The following GRIA4 variants were observed in gnomAD, a reference collection of about 807,000 sequenced individuals.
The protein encoded by GRIA4 is glutamate ionotropic receptor AMPA type subunit 4, also known as glutamate receptor 4.
GRIA4 carries 34 observed loss-of-function variants against 104.0 expected under a neutral mutation model. That is an observed-to-expected ratio of 0.33 (90% CI 0.25 to 0.44). GRIA4 has a LOEUF of 0.44. GRIA4 is among the 20% of genes least tolerant of loss of function. The probability of loss-of-function intolerance (pLI) is 1.00; values close to 1 mark genes in which losing one functional copy is unlikely to be tolerated. For missense variants in GRIA4, 750 were observed against 1,096.5 expected (o/e 0.68, Z 4.46); for synonymous variants, 386 against 381.9 (o/e 1.01, Z -0.13).
chr11:105,717,405 C>T (rs1320807000), intron 3 of GRIA4, among the ~76,000 whole-genome samples: 2 of 152,098 alleles, frequency 1.3e-5, no homozygotes, highest in African/African-American at 4.8e-5. Context: ...TAATTATACG[C>T]CCTTAGACAA....
intron 5 of GRIA4, among the ~76,000 whole-genome samples, chr11:105,870,753 G>A (rs1010936407): frequency 6.6e-6 from 1 of 152,112 alleles, no homozygotes; most frequent in African/African-American, 2.4e-5. Flanking sequence ...GGCAGATTAT[G>A]AGTGGCCTCA....
At chr11:105,645,135 G>A (rs1212158963) in intron 3 of GRIA4, among the ~76,000 whole-genome samples, 1 of 152,182 alleles carries the variant, frequency 6.6e-6, no homozygotes, top group African/African-American at 2.4e-5. Context: ...TGGTGAGAAG[G>A]CAAAGCTGAG....
At chr11:105,849,713 T>C (rs1944728825) in intron 4 of GRIA4, among the ~76,000 whole-genome samples, 2 of 152,150 alleles carry the variant, frequency 1.3e-5, no homozygotes, top group South Asian at 2.1e-4. Context: ...CCAGTATAAA[T>C]AGAATTTCAT....
At chr11:105,976,583 A>C (rs990394140) in intron 16 of GRIA4, among the ~76,000 whole-genome samples, 1 of 152,070 alleles carries the variant, frequency 6.6e-6, no homozygotes, top group African/African-American at 2.4e-5. Flanking sequence ...ATAAGTAAGC[A>C]GTTTTTATTG....
At chr11:105,797,375 T>C (rs923566336) in intron 4 of GRIA4, among the ~76,000 whole-genome samples, 4 of 152,160 alleles carry the variant, frequency 2.6e-5, no homozygotes, top group African/African-American at 4.8e-5. Context: ...AATTGTGGTG[T>C]ATGTGTAACT....
intron 3 of GRIA4, among the ~76,000 whole-genome samples, chr11:105,685,502 T>G (rs992832203): frequency 1.3e-5 from 2 of 152,198 alleles, no homozygotes; most frequent in East Asian, 3.9e-4. Flanking sequence ...ATCAGCACTT[T>G]CATGTAATTC....
chr11:105,620,132 A>G (rs1326381927), intron 3 of GRIA4, among the ~76,000 whole-genome samples: 3 of 151,916 alleles, frequency 2.0e-5, no homozygotes, highest in Non-Finnish European at 4.4e-5. Context: ...GAAGGTCATC[A>G]GTGACTTACA....
At chr11:105,860,390 G>C (rs1945175964) in intron 4 of GRIA4, among the ~76,000 whole-genome samples, 1 of 152,054 alleles carries the variant, frequency 6.6e-6, no homozygotes, top group Admixed American at 6.6e-5. Context: ...AATCTTCCAA[G>C]TGCGGTATAC....
intron 14 of GRIA4, among the ~76,000 whole-genome samples, chr11:105,950,141 AT>A (rs1241878564): frequency 6.6e-6 from 1 of 152,210 alleles, no homozygotes; most frequent in Non-Finnish European, 1.5e-5. Flanking sequence ...ATTTGTGAAG[AT>A]TTTTGACAAG....
At chr11:105,694,110 C>T (rs542320447) in intron 3 of GRIA4, among the ~76,000 whole-genome samples, 3 of 151,878 alleles carry the variant, frequency 2.0e-5, no homozygotes, top group South Asian at 2.1e-4. Flanking sequence ...ATAGAATGAC[C>T]GTTATATTTT....
chr11:105,717,131 A>G (rs935258657), intron 3 of GRIA4, among the ~76,000 whole-genome samples: 1 of 152,060 alleles, frequency 6.6e-6, no homozygotes, highest in Non-Finnish European at 1.5e-5. Flanking sequence ...CATTATCTTC[A>G]TCTCCATAGA....
intron 10 of GRIA4, among the ~76,000 whole-genome samples, chr11:105,917,012 A>G (rs1487691450): frequency 6.6e-6 from 1 of 152,204 alleles, no homozygotes; most frequent in Non-Finnish European, 1.5e-5. Context: ...ATTTTATAGC[A>G]TATTTTAGAA....
At chr11:105,683,381 A>T (rs1020561262) in intron 3 of GRIA4, among the ~76,000 whole-genome samples, 1 of 152,012 alleles carries the variant, frequency 6.6e-6, no homozygotes, top group Admixed American at 6.5e-5. Flanking sequence ...ACAAGAAAAT[A>T]TGTTTTATTA....
chr11:105,878,859 C>T (rs1167118564), intron 5 of GRIA4, among the ~76,000 whole-genome samples: 1 of 152,222 alleles, frequency 6.6e-6, no homozygotes, highest in Non-Finnish European at 1.5e-5. Flanking sequence ...AGCTAGACAA[C>T]TTGGCTCCCT....
intron 4 of GRIA4, among the ~76,000 whole-genome samples, chr11:105,763,630 T>G (rs1435501537): frequency 6.6e-6 from 1 of 152,236 alleles, no homozygotes; most frequent in Non-Finnish European, 1.5e-5. Flanking sequence ...AAGGTTTCTT[T>G]TAAGGGTTTC....
At chr11:105,826,208 G>T (rs1049434695) in intron 4 of GRIA4, among the ~76,000 whole-genome samples, 9 of 152,182 alleles carry the variant, frequency 5.9e-5, no homozygotes, top group Middle Eastern at 6.8e-3. Context: ...AGTGGGGAGA[G>T]AGAGGTTGCA....
intron 3 of GRIA4, among the ~76,000 whole-genome samples, chr11:105,688,146 A>ATATCTATATCTATATCTC (rs1425950163): frequency 3.1e-5 from 1 of 32,570 alleles, no homozygotes; most frequent in Non-Finnish European, 7.9e-5. Context: ...ATCTATATCT[A>ATATCTATATCTATATCTC]TATCTATATC....
At chr11:105,839,821 CTAAT>C (rs1388873760) in intron 4 of GRIA4, among the ~76,000 whole-genome samples, 2 of 152,000 alleles carry the variant, frequency 1.3e-5, no homozygotes, top group African/African-American at 2.4e-5. Context: ...AGTTAATTCT[CTAAT>C]TAATTATAAT....
chr11:105,772,148 C>T (rs1485623634), intron 4 of GRIA4, among the ~76,000 whole-genome samples: 3 of 152,258 alleles, frequency 2.0e-5, no homozygotes, highest in South Asian at 2.1e-4. Flanking sequence ...TCTACCTAAA[C>T]AGCACAACTC....
Sources: gnomAD v4.1 joint callset for allele counts (sites outside exome capture counted in the v4.1 genomes callset) on GRCh38, gnomAD v4.1.1 for gene constraint, MANE v1.5 for transcripts, NCBI Gene and HGNC (gene_info 2026-07-23, HGNC 2026-07-21) for gene names.